Variants in PGGT1B observed in about 807,000 individuals in gnomAD.
The protein encoded by PGGT1B is protein geranylgeranyltransferase type I subunit beta.
In PGGT1B, 30 loss-of-function variants were observed where a neutral mutation model predicts 46.1. The observed-to-expected ratio is 0.65, with a 90% CI of 0.49 to 0.88. PGGT1B has a LOEUF of 0.88. PGGT1B is among the 40% of genes least tolerant of loss of function. The pLI, the probability that PGGT1B is intolerant of heterozygous loss-of-function variation, is 0.00. For synonymous variants in PGGT1B, 170 were observed against 160.0 expected (o/e 1.06, Z -0.47); for missense variants, 376 against 455.9 (o/e 0.82, Z 1.60).
At chr5:115,236,731 T>C (rs572721160) in intron 4 of PGGT1B, among the ~76,000 whole-genome samples, 2 of 152,306 alleles carry the variant, frequency 1.3e-5, no homozygotes, top group South Asian at 2.1e-4. Flanking sequence ...ATCATCATTC[T>C]ACTACAAACT....
chr5:115,243,272 G>A (rs1757404846), intron 2 of PGGT1B, among the ~76,000 whole-genome samples: 1 of 152,158 alleles, frequency 6.6e-6, no homozygotes, highest in Non-Finnish European at 1.5e-5. Context: ...AATGCACACT[G>A]CAGTTTAATA....
chr5:115,218,449 A>T (rs2126991455), intron 7 of PGGT1B, among the ~76,000 whole-genome samples: 1 of 144,144 alleles, frequency 6.9e-6, no homozygotes, highest in African/African-American at 2.5e-5. Context: ...TATATAATAT[A>T]TGACTAAAAA....
At position 115,206,722 on chromosome 5, in the gene PGGT1B, C is replaced by T. The variant is rs1365670290; in HGVS notation, c.*5680G>A. 6.6e-6 allele frequency: 1 copy of T among 151,904 alleles called. No individual in the cohort carries two copies. Among genetic ancestry groups the T allele is most frequent in the African/African-American group, 2.4e-5 (1 of 41,372 alleles). The allele number at this position is 151,904 out of a possible 1,614,324, so 9.4% of individuals were successfully genotyped here. A position where few individuals can be genotyped will look rare whatever the true frequency, so the allele number is the denominator to read the frequency against. Reference sequence around the variant, plus strand: ...TGAGATCCTTGAAAATGTATCATTGCCTATTTGCATGTTTCTTTATGCTAA... The same window carrying T: ...TGAGATCCTTGAAAATGTATCATTGTCTATTTGCATGTTTCTTTATGCTAA... On this transcript the variant is annotated 3_prime_UTR_variant, in exon 9 of 9. Coordinates refer to ENST00000419445, the MANE Select transcript of PGGT1B (RefSeq NM_005023.4).
intron 2 of PGGT1B, among the ~76,000 whole-genome samples, chr5:115,242,375 G>C (rs1415186058): frequency 1.3e-5 from 2 of 152,088 alleles, no homozygotes; most frequent in Non-Finnish European, 2.9e-5. Context: ...TAACAATGCA[G>C]TATCAGCAGA....
chr5:115,212,223 T>A lies in PGGT1B; in HGVS notation c.*179A>T. ...TTGTGGTTCAAACTTCAACAAAGATTTTCTTGAAACCCAGTATAAAGATTA... is the reference window on the plus strand; with the variant it reads ...TTGTGGTTCAAACTTCAACAAAGATATTCTTGAAACCCAGTATAAAGATTA... On this transcript the variant is annotated 3_prime_UTR_variant, in exon 9 of 9. Coordinates refer to ENST00000419445, the MANE Select transcript of PGGT1B (RefSeq NM_005023.4). 7 of 1,128,690 alleles carry A rather than the reference T, an allele frequency of 6.2e-6. No homozygotes were observed. Among genetic ancestry groups the A allele is most frequent in the Non-Finnish European group, 8.4e-6 (7 of 832,484 alleles). 69.9% of individuals were successfully genotyped at this position (1,128,690 alleles called of 1,614,324 possible).
intron 6 of PGGT1B, among the ~76,000 whole-genome samples, chr5:115,224,008 C>G (rs265431): frequency 0.11 from 17,108 of 152,130 alleles, 1,080 homozygotes; most frequent in Middle Eastern, 0.18. Context: ...CTCTAGAAAA[C>G]TCAAGGTAGT....
intron 2 of PGGT1B, among the ~76,000 whole-genome samples, chr5:115,248,753 C>T (rs1747963140): frequency 6.6e-6 from 1 of 152,194 alleles, no homozygotes; most frequent in South Asian, 2.1e-4. Context: ...TGCCAGATGT[C>T]AATCCGATTC....
intron 2 of PGGT1B, among the ~76,000 whole-genome samples, chr5:115,248,920 T>A (rs1580775244): frequency 6.6e-6 from 1 of 152,348 alleles, no homozygotes; most frequent in East Asian, 1.9e-4. Context: ...AATAATGTAT[T>A]GCATTATTTC....
intron 2 of PGGT1B, among the ~76,000 whole-genome samples, chr5:115,250,156 T>C (rs562770960): frequency 6.6e-6 from 1 of 152,334 alleles, no homozygotes; most frequent in African/African-American, 2.4e-5. Flanking sequence ...ATTTTTGCTT[T>C]ATAATCCCCA....
At chr5:115,244,159 C>T (rs974290631) in intron 2 of PGGT1B, among the ~76,000 whole-genome samples, 3 of 152,076 alleles carry the variant, frequency 2.0e-5, no homozygotes, top group Admixed American at 6.6e-5. Context: ...CCTGGGGCAA[C>T]ATCTTTAGAA....
chr5:115,241,831 T>C (rs1282876672), intron 2 of PGGT1B, among the ~76,000 whole-genome samples: 5 of 152,162 alleles, frequency 3.3e-5, no homozygotes, highest in Admixed American at 2.0e-4. Context: ...TTCTATCATG[T>C]ACCTTTTTTT....
chr5:115,235,014 A>G (rs1307028618), intron 5 of PGGT1B, among the ~76,000 whole-genome samples: 27 of 152,002 alleles, frequency 1.8e-4, no homozygotes, highest in Non-Finnish European at 4.4e-5. Flanking sequence ...CTCCAACAAG[A>G]ATAACCAAGG....
At chr5:115,214,427 C>T (rs1451066929) in intron 8 of PGGT1B, among the ~76,000 whole-genome samples, 1 of 152,106 alleles carries the variant, frequency 6.6e-6, no homozygotes. Flanking sequence ...AAAGGTTATT[C>T]TTTTGAAGTT....
At chr5:115,233,427 C>T (rs967263326) in intron 5 of PGGT1B, among the ~76,000 whole-genome samples, 19 of 145,560 alleles carry the variant, frequency 1.3e-4, no homozygotes, top group Admixed American at 1.3e-3. Flanking sequence ...AGAAAACATC[C>T]AAGAGAATAA....
chr5:115,228,749 T>A (rs562948369), intron 6 of PGGT1B, among the ~76,000 whole-genome samples: 1 of 152,188 alleles, frequency 6.6e-6, no homozygotes, highest in African/African-American at 2.4e-5. Context: ...CCAGAACTAA[T>A]TCATGAGGAA....
chr5:115,260,327 C>G (rs1748500528), intron 1 of PGGT1B, among the ~76,000 whole-genome samples: 1 of 152,080 alleles, frequency 6.6e-6, no homozygotes, highest in South Asian at 2.1e-4. Context: ...AAGAAACGAA[C>G]AGAGGAACAC....
rs200196120 is a variant in PGGT1B at position 115,252,443 on chromosome 5, C to CA, written c.259+693dup. On this transcript the variant is annotated intron_variant, in intron 2 of 8. Transcript: ENST00000419445. ...TATGATTACTCTAACCAACGAACCA[C>CA]AAAAAAAAACAAGCATGATTTTCTA... Among the ~76,000 whole-genome samples the CA allele has an allele frequency of 3.7e-4, 55 of 149,046 alleles. No homozygotes were observed. In the East Asian group the frequency reaches 5.1e-3, roughly 14 times the overall value.
In PGGT1B at chr5:115,247,675, TA is replaced by T. The variant is rs531534460; in HGVS notation, c.259+5461del. Among the ~76,000 whole-genome samples the T allele has an allele frequency of 3.6e-3, 537 of 150,734 alleles. 2 individuals are homozygous for T. Among genetic ancestry groups the T allele is most frequent in the African/African-American group, 0.012 (512 of 41,198 alleles). ...CAAGGTAAATGAAACATTCAATAGC[TA>T]AAAAAAAAATTTTAAATATACCTAT... On this transcript the variant is annotated intron_variant, in intron 2 of 8. Transcript: ENST00000419445.
chr5:115,207,180 C>CATACATAT lies in PGGT1B; in HGVS notation c.*5221_*5222insATATGTAT, dbSNP rs1554069083. On this transcript the variant is annotated 3_prime_UTR_variant, in exon 9 of 9. Transcript: ENST00000419445. ...ACTAGTTTAGGTTTGCATATACATA[C>CATACATAT]ATATATATATATATATATATATATA... The CATACATAT allele has an allele frequency of 5.6e-5, 5 of 89,950 alleles. No homozygotes were observed. The highest frequency in any genetic ancestry group is 1.2e-4 in the African/African-American group (3 of 24,490). 5.6% of individuals were successfully genotyped at this position (89,950 alleles called of 1,614,324 possible). A position where few individuals can be genotyped will look rare whatever the true frequency, so the allele number is the denominator to read the frequency against.
Sources: allele counts gnomAD v4.1 joint callset (sites outside exome capture counted in the v4.1 genomes callset), GRCh38; gene constraint gnomAD v4.1.1; transcripts MANE v1.5; gene names NCBI Gene and HGNC (gene_info 2026-07-23, HGNC 2026-07-21).